The following STAC3 variants were observed in gnomAD, a reference collection of about 807,000 sequenced individuals.
STAC3 encodes SH3 and cysteine-rich domain-containing protein 3.
A neutral mutation model predicts 48.5 loss-of-function variants in STAC3; 30 were observed. The ratio of observed to expected loss-of-function variants is 0.62; its 90% confidence interval spans 0.46 to 0.84. The LOEUF (loss-of-function observed/expected upper bound fraction) is 0.84, where lower values mean the gene tolerates loss of function less well. Among genes scored for constraint, STAC3 ranks in the 40% least tolerant of loss-of-function variants. The pLI is 0.00. For synonymous variants in STAC3, 144 were observed against 158.6 expected (o/e 0.91, Z 0.69); for missense variants, 419 against 462.6 (o/e 0.91, Z 0.86).
rs995698092 is a variant in STAC3, at chr12:57,249,183, A to G, written c.192T>C (p.Tyr64=). Residue 64 remains tyrosine, a synonymous_variant, in exon 3 of 12, where the codon TAT becomes TAC. Coordinates refer to ENST00000332782, the MANE Select transcript of STAC3 (RefSeq NM_145064.3). The part of the protein sequence containing the change: ...GAGGGPIYYI[Y]EEEEEEEEEE... Reference sequence around the variant, plus strand: ...CCTCTTCTTCCTCTTCCTCTTCCTCATAGATGTAGTAGATGGGCCCACCCC... The same window carrying G: ...CCTCTTCTTCCTCTTCCTCTTCCTCGTAGATGTAGTAGATGGGCCCACCCC... 3.1e-6 allele frequency: 5 copies of G among 1,613,538 alleles called. No individual in the cohort carries two copies. The African/African-American group carries it at 6.7e-5, about 22-fold the overall frequency.
rs746220933 is a variant in STAC3, at chr12:57,244,906, G to A, written c.720+10C>T. 3.1e-6 allele frequency: 5 copies of A among 1,613,964 alleles called. No individual in the cohort carries two copies. The highest frequency in any genetic ancestry group is 2.2e-5 in the East Asian group (1 of 44,898). On this transcript the variant is annotated intron_variant, in intron 8 of 11. Transcript: ENST00000332782. ...GAACTGGGTTCCTTGCAGGGAGGAA[G>A]GATTCTTACCTTGTCATCAGGTGTC...
rs779483995 is a variant in STAC3 at position 57,243,817 on chromosome 12, T to A, written c.1090A>T (p.Ile364Phe). Residue 364 changes from isoleucine to phenylalanine, a missense_variant, in exon 12 of 12, where the codon ATT becomes TTT. Physicochemically the swap from Ile to Phe is conservative, Grantham distance 21. Coordinates refer to ENST00000332782, the MANE Select transcript of STAC3 (RefSeq NM_145064.3). ...GLFPTDFLEE[I>F] ...GCTTGCAGGCGCCCGCACGCCTAAATTTCCTCTAGAAAGTCGGTGGGAAAC... is the reference window on the plus strand; with the variant it reads ...GCTTGCAGGCGCCCGCACGCCTAAAATTCCTCTAGAAAGTCGGTGGGAAAC... 17 of 1,613,892 alleles carry A rather than the reference T, an allele frequency of 1.1e-5. No homozygotes were observed. The highest frequency in any genetic ancestry group is 1.7e-5 in the Admixed American group (1 of 59,990).
intron 5 of STAC3, among the ~76,000 whole-genome samples, chr12:57,247,425 ATTATTTTT>A (rs1387717742): frequency 3.4e-5 from 2 of 58,946 alleles, no homozygotes; most frequent in African/African-American, 6.3e-5. Context: ...TATTATTATT[ATTATTTTT>A]TTTTTTTTTT....
Position 57,249,157 on chromosome 12 carries a change from T to C in STAC3, c.218A>G (p.Glu73Gly). Residue 73 changes from glutamate (E) to glycine (G), a missense_variant, in exon 3 of 12, where the codon GAG becomes GGG. Glu to Gly is a moderately conservative substitution (Grantham distance 98). Coordinates refer to ENST00000332782, the MANE Select transcript of STAC3 (RefSeq NM_145064.3). ...IYEEEEEEEE[E>G]EEEPPPEPPK... ...AGGTTCTGGGGGTGGCTCCTCCTCCTCCTCTTCTTCCTCTTCCTCTTCCTC... is the reference window on the plus strand; with the variant it reads ...AGGTTCTGGGGGTGGCTCCTCCTCCCCCTCTTCTTCCTCTTCCTCTTCCTC... 1 of 1,614,000 alleles carries C rather than the reference T, an allele frequency of 6.2e-7. No homozygotes were observed. The highest frequency in any genetic ancestry group is 8.5e-7 in the Non-Finnish European group (1 of 1,180,014).
intron 5 of STAC3, among the ~76,000 whole-genome samples, chr12:57,247,419 ATTATTATTATTTTTTT>A (rs1179885027): frequency 1.1e-5 from 1 of 88,672 alleles, no homozygotes; most frequent in African/African-American, 4.9e-5. Context: ...TATTATTATT[ATTATTATTATTTTTTT>A]TTTTTTTTTT....
chr12:57,249,489 A>G, intron 2 of STAC3, 82 bp downstream of exon 2: 3 of 1,569,890 alleles, frequency 1.9e-6, no homozygotes, highest in Non-Finnish European at 2.6e-6. Context: ...GTCACACACA[A>G]ATGAGATCAA....
intron 3 of STAC3, 113 bp from the exon 4 acceptor site, chr12:57,248,916 C>A: frequency 6.5e-7 from 1 of 1,536,128 alleles, no homozygotes; most frequent in Non-Finnish European, 8.9e-7. Context: ...TGCTCAATCT[C>A]TAATAGCATT....
chr12:57,244,816 T>A (rs961695365), intron 8 of STAC3, 100 bp downstream of exon 8: 2 of 1,465,670 alleles, frequency 1.4e-6, no homozygotes, highest in Admixed American at 3.4e-5. Flanking sequence ...ATGGGAAGCC[T>A]AGGAGTTAAA....
At position 57,244,344 on chromosome 12, in the gene STAC3, T is replaced by C; in HGVS notation, c.829A>G (p.Ile277Val). 6.2e-7 allele frequency: 1 copy of C among 1,614,178 alleles called. No individual in the cohort carries two copies. The highest frequency in any genetic ancestry group is 1.1e-5 in the South Asian group (1 of 91,092). The change falls in exon 10 of 12, where the codon ATT (isoleucine) becomes GTT (valine). Residue 277 changes from isoleucine (I) to valine (V), a missense_variant. By Grantham distance (29) the Ile-to-Val change is conservative (BLOSUM62 3). Transcript: ENST00000332782. ...DFPPGEKITVIDDSNEEWWRG... is the reference protein window; with the variant it reads ...DFPPGEKITVVDDSNEEWWRG... ...CACCATTCTTCATTGGAGTCATCAA[T>C]GACTGTGATCTTCTCTCCTGGCCTG... is the stretch of plus-strand genomic sequence containing the variant.
intron 2 of STAC3, 79 bp downstream of exon 2, chr12:57,249,492 G>T: frequency 6.4e-7 from 1 of 1,571,226 alleles, no homozygotes. Context: ...ACACACAAAT[G>T]AGATCAATTT....
At chr12:57,249,919 TTTTTA>T (rs970824640) in intron 1 of STAC3, among the ~76,000 whole-genome samples, 99 of 152,258 alleles carry the variant, frequency 6.5e-4, no homozygotes, top group African/African-American at 2.3e-3. Context: ...CCTGGCTACT[TTTTTA>T]TTTTTTGTAG....
In STAC3 at chr12:57,244,241, G is replaced by C; in HGVS notation, c.859-16C>G. On this transcript the variant is annotated splice_polypyrimidine_tract_variant and intron_variant, in intron 10 of 11. Coordinates refer to ENST00000332782, the MANE Select transcript of STAC3 (RefSeq NM_145064.3). ...CGATTTTCCCCTAGGGAAGATAGTA[G>C]GGAGAGTCCATCTCTCAATGTCGGG... 2 of 1,614,182 alleles carry C rather than the reference G, an allele frequency of 1.2e-6. No homozygotes were observed. The highest frequency in any genetic ancestry group is 2.7e-5 in the African/African-American group (2 of 75,048).
intron 5 of STAC3, among the ~76,000 whole-genome samples, chr12:57,247,415 TA>T (rs2037767803): frequency 4.8e-3 from 167 of 34,584 alleles, no homozygotes; most frequent in South Asian, 8.8e-3. Flanking sequence ...TTATTATTAT[TA>T]TTATTATTAT....
At position 57,248,185 on chromosome 12, in the gene STAC3, T is replaced by C; in HGVS notation, c.446A>G (p.His149Arg). 1.9e-6 allele frequency: 3 copies of C among 1,613,946 alleles called. No individual in the cohort carries two copies. The highest frequency in any genetic ancestry group is 2.5e-6 in the Non-Finnish European group (3 of 1,179,878). Residue 149 changes from histidine (H) to arginine (R), a missense_variant, in exon 5 of 12, where the codon CAT becomes CGT. Coordinates refer to ENST00000332782, the MANE Select transcript of STAC3 (RefSeq NM_145064.3). ...RCFGKIPPGF[H>R]RAYSSPLYSN... is the part of the protein sequence containing the mutation. ...GTAGAGTGGGGAACTATAGGCCCGA[T>C]GGAAACCAGGTGGCTGTAGGATGGG...
Position 57,251,091 on chromosome 12 carries a change from G to T in STAC3, c.-100C>A. 1 of 447,476 alleles carries T rather than the reference G, an allele frequency of 2.2e-6. No individual in the cohort carries two copies. Among genetic ancestry groups the T allele is most frequent in the South Asian group, 1.6e-5 (1 of 63,976 alleles). The allele number at this position is 447,476 out of a possible 1,614,324, so 27.7% of individuals were successfully genotyped here. ...GGGAAAAACTGGTCCTCTTCCTTGGGGGCTAAGCCCCCCCAGTACCCCCTG... is the reference window on the plus strand; with the variant it reads ...GGGAAAAACTGGTCCTCTTCCTTGGTGGCTAAGCCCCCCCAGTACCCCCTG... On this transcript the variant is annotated 5_prime_UTR_variant, in exon 1 of 12. Transcript: ENST00000332782.
intron 5 of STAC3, among the ~76,000 whole-genome samples, chr12:57,247,371 T>C (rs1480210946): frequency 5.3e-5 from 8 of 151,818 alleles, no homozygotes; most frequent in Non-Finnish European, 1.0e-4. Flanking sequence ...GTTGAGCAAA[T>C]TTGTCAATGA....
At chr12:57,246,306 T>A (rs535333952) in intron 6 of STAC3, among the ~76,000 whole-genome samples, 4 of 152,176 alleles carry the variant, frequency 2.6e-5, no homozygotes, top group African/African-American at 4.8e-5. Flanking sequence ...AGATTTCTAG[T>A]TGTTTTTTGC....
rs753925373 is a variant in STAC3 at position 57,244,986 on chromosome 12, A to C, written c.671-21T>G. 6 of 1,613,790 alleles carry C rather than the reference A, an allele frequency of 3.7e-6. No individual in the cohort carries two copies. In the East Asian group the frequency reaches 1.3e-4, roughly 36 times the overall value. On this transcript the variant is annotated intron_variant, in intron 7 of 11. Coordinates refer to ENST00000332782, the MANE Select transcript of STAC3 (RefSeq NM_145064.3). ...GTTTCCTGGGATAGGAAACACCAAC[A>C]AATTGTCTGTCTCCTGGAGGGCAAT...
chr12:57,244,036 T>A (rs1199334052), intron 11 of STAC3, 52 bp downstream of exon 11: 17 of 1,612,944 alleles, frequency 1.1e-5, no homozygotes, highest in Middle Eastern at 3.3e-4. Flanking sequence ...CCAAGGAGTG[T>A]GGTGGGCTAG....
Sources: allele counts gnomAD v4.1 joint callset (sites outside exome capture counted in the v4.1 genomes callset), GRCh38; gene constraint gnomAD v4.1.1; transcripts MANE v1.5; gene names NCBI Gene and HGNC (gene_info 2026-07-23, HGNC 2026-07-21).